TTBK2: variants seen among roughly 807,000 people sequenced by gnomAD.
TTBK2 encodes the protein tau tubulin kinase 2.
In TTBK2, 28 loss-of-function variants were observed where a neutral mutation model predicts 110.8. The ratio of observed to expected loss-of-function variants is 0.25; its 90% CI spans 0.19 to 0.35. The LOEUF is 0.35. Among genes scored for constraint, TTBK2 ranks in the 10% least tolerant of loss-of-function variants. The pLI, the probability that TTBK2 is intolerant of heterozygous loss-of-function variation, is 1.00. For synonymous variants in TTBK2, 532 were observed against 527.3 expected (o/e 1.01, Z -0.12); for missense variants, 1,369 against 1,500.3 (o/e 0.91, Z 1.45).
chr15:42,918,524 C>T (rs1474199255), intron 1 of TTBK2, among the ~76,000 whole-genome samples: 1 of 152,012 alleles, frequency 6.6e-6, no homozygotes, highest in Non-Finnish European at 1.5e-5. Flanking sequence ...AAAGTGGCTG[C>T]CCCCCACCAA....
At chr15:42,839,627 TA>T in intron 4 of TTBK2, among the ~76,000 whole-genome samples, 1 of 152,334 alleles carries the variant, frequency 6.6e-6, no homozygotes, top group East Asian at 1.9e-4. Flanking sequence ...TCTGACTTTT[TA>T]ATAATAGTCA....
intron 11 of TTBK2, among the ~76,000 whole-genome samples, chr15:42,779,099 A>T (rs1300535293): frequency 6.6e-6 from 1 of 152,240 alleles, no homozygotes; most frequent in East Asian, 1.9e-4. Context: ...CAGAGGAAAA[A>T]TAACTATCAA....
At chr15:42,855,483 T>A (rs951118824) in intron 3 of TTBK2, among the ~76,000 whole-genome samples, 1 of 152,152 alleles carries the variant, frequency 6.6e-6, no homozygotes, top group East Asian at 1.9e-4. Context: ...CATCAAAGAA[T>A]ACTGGAGTTA....
chr15:42,821,632 T>C (rs1050199780), intron 6 of TTBK2, among the ~76,000 whole-genome samples: 10 of 152,132 alleles, frequency 6.6e-5, no homozygotes, highest in Admixed American at 1.3e-4. Context: ...CTGGTTTTTG[T>C]TTTAACCATT....
intron 1 of TTBK2, among the ~76,000 whole-genome samples, chr15:42,897,823 TACACACACACACACACACACAC>T (rs60880098): frequency 3.6e-5 from 5 of 140,662 alleles, no homozygotes; most frequent in Non-Finnish European, 6.2e-5. Flanking sequence ...CCAGTAGTGG[TACACACACACACACACACACAC>T]ACACACACAC....
At chr15:42,859,809 T>C (rs1042024184) in intron 3 of TTBK2, among the ~76,000 whole-genome samples, 31 of 152,278 alleles carry the variant, frequency 2.0e-4, no homozygotes, top group Admixed American at 2.0e-3. Context: ...CACTGATTAA[T>C]ATGCTGAGGG....
chr15:42,877,987 AT>A (rs1268615391), intron 2 of TTBK2, among the ~76,000 whole-genome samples: 3 of 150,496 alleles, frequency 2.0e-5, no homozygotes, highest in Non-Finnish European at 2.9e-5. Context: ...ATATAAGTCT[AT>A]TTTTTATGTA....
At chr15:42,824,482 T>C (rs1198039906) in intron 6 of TTBK2, among the ~76,000 whole-genome samples, 1 of 152,184 alleles carries the variant, frequency 6.6e-6, no homozygotes, top group Non-Finnish European at 1.5e-5. Context: ...TTGTAACTTC[T>C]TATGAGTCTT....
At chr15:42,763,145 T>TATATATATACATATATATAC (rs1567008692) in intron 13 of TTBK2, among the ~76,000 whole-genome samples, 18 of 69,700 alleles carry the variant, frequency 2.6e-4, no homozygotes, top group African/African-American at 1.6e-3. Flanking sequence ...TATACATACA[T>TATATATATACATATATATAC]ATATATATAT....
chr15:42,810,354 C>T (rs903963772), intron 9 of TTBK2, among the ~76,000 whole-genome samples: 2 of 152,128 alleles, frequency 1.3e-5, no homozygotes, highest in African/African-American at 4.8e-5. Flanking sequence ...ATGAATCATG[C>T]AGGAATAGGA....
At chr15:42,783,879 T>C (rs1890291494) in intron 10 of TTBK2, among the ~76,000 whole-genome samples, 1 of 151,808 alleles carries the variant, frequency 6.6e-6, no homozygotes, top group Admixed American at 6.6e-5. Flanking sequence ...CTGGCCAACA[T>C]GGTGAAACCC....
At chr15:42,810,467 A>T in intron 9 of TTBK2, 147 bp downstream of exon 9, 1 of 1,006,664 alleles carries the variant, frequency 9.9e-7, no homozygotes, top group Non-Finnish European at 1.5e-6. Flanking sequence ...TCATAAGTTA[A>T]TTTCACCATG....
At position 42,763,167 on chromosome 15, in the gene TTBK2, T is replaced by C. The variant is rs1489683448; in HGVS notation, c.1999-9920A>G. On this transcript the variant is annotated intron_variant, in intron 13 of 14. Transcript: ENST00000267890. Reference sequence around the variant, plus strand: ...ACATATATATATATACATATATATATATATATATATATATATATATATATA... The same window carrying C: ...ACATATATATATATACATATATATACATATATATATATATATATATATATA... 5.5e-3 allele frequency among the ~76,000 whole-genome samples: 77 copies of C among 13,976 alleles called. 4 individuals carry two copies. Among genetic ancestry groups the C allele is most frequent in the African/African-American group, 0.025 (72 of 2,938 alleles). The allele number at this position is 13,976 out of a possible 152,430, so 9.2% of individuals were successfully genotyped here.
At chr15:42,819,748 A>G (rs996891040) in intron 6 of TTBK2, among the ~76,000 whole-genome samples, 5 of 152,230 alleles carry the variant, frequency 3.3e-5, no homozygotes, top group Admixed American at 6.5e-5. Flanking sequence ...TTTTAGAAGA[A>G]AATTGTCTAA....
intron 14 of TTBK2, among the ~76,000 whole-genome samples, chr15:42,746,892 T>C (rs2140560212): frequency 6.6e-6 from 1 of 152,092 alleles, no homozygotes; most frequent in Admixed American, 6.5e-5. Flanking sequence ...CTGTCAATAG[T>C]CTGGGATTAA....
chr15:42,747,657 C>A (rs140802995), intron 14 of TTBK2, among the ~76,000 whole-genome samples: 1 of 152,198 alleles, frequency 6.6e-6, no homozygotes, highest in Non-Finnish European at 1.5e-5. Flanking sequence ...ATGCCTCCTG[C>A]CGTGCAGCCC....
intron 6 of TTBK2, among the ~76,000 whole-genome samples, 156 bp from the exon 7 acceptor site, chr15:42,817,253 T>TCTA (rs1371173119): frequency 6.6e-6 from 1 of 151,748 alleles, no homozygotes; most frequent in Non-Finnish European, 1.5e-5. Flanking sequence ...TACAAGAAAC[T>TCTA]AGAGAGATTA....
chr15:42,796,133 G>A (rs987219978), intron 9 of TTBK2, among the ~76,000 whole-genome samples: 2 of 152,196 alleles, frequency 1.3e-5, no homozygotes, highest in Non-Finnish European at 2.9e-5. Flanking sequence ...GCCACGCACG[G>A]TGGCTCACGC....
intron 6 of TTBK2, among the ~76,000 whole-genome samples, chr15:42,818,686 C>G (rs975845371): frequency 6.6e-6 from 1 of 152,106 alleles, no homozygotes; most frequent in Non-Finnish European, 1.5e-5. Flanking sequence ...CGCCACTGCA[C>G]TCCAGCCGGG....
Sources: gnomAD v4.1 joint callset for allele counts (sites outside exome capture counted in the v4.1 genomes callset) on GRCh38, gnomAD v4.1.1 for gene constraint, MANE v1.5 for transcripts, NCBI Gene and HGNC (gene_info 2026-07-23, HGNC 2026-07-21) for gene names.